Variants in PDE1A observed in about 807,000 individuals in gnomAD.
The protein encoded by PDE1A is phosphodiesterase 1A.
Under a neutral mutation model 61.7 loss-of-function variants are expected in PDE1A, and 35 were observed. That is an observed-to-expected ratio of 0.57 (90% CI 0.43 to 0.75). The LOEUF (loss-of-function observed/expected upper bound fraction) is 0.75, where lower values mean the gene tolerates loss of function less well. PDE1A is among the 30% of genes least tolerant of loss of function. The pLI is 0.00. For missense variants in PDE1A, 597 were observed against 630.6 expected (o/e 0.95, Z 0.57); for synonymous variants, 232 against 213.2 (o/e 1.09, Z -0.77).
At chr2:182,454,451 G>C (rs188624711) in intron 2 of PDE1A, among the ~76,000 whole-genome samples, 1 of 151,946 alleles carries the variant, frequency 6.6e-6, no homozygotes, top group African/African-American at 2.4e-5. Flanking sequence ...AAAAGAGCCC[G>C]CATCGCCAAG....
the PDE1A span, among the ~76,000 whole-genome samples, chr2:182,646,748 T>G: frequency 6.6e-6 from 1 of 150,912 alleles, no homozygotes; most frequent in Non-Finnish European, 1.5e-5. Context: ...CAGTGAAACA[T>G]AAGTATAACC....
intron 2 of PDE1A, among the ~76,000 whole-genome samples, chr2:182,256,057 T>A (rs1263987393): frequency 3.0e-5 from 4 of 135,090 alleles, no homozygotes; most frequent in Non-Finnish European, 6.3e-5. Flanking sequence ...TTTTTTTTTT[T>A]TCTTGTTTAT....
chr2:182,357,817 T>G (rs1452348762), intron 1 of PDE1A, among the ~76,000 whole-genome samples: 4 of 152,224 alleles, frequency 2.6e-5, no homozygotes, highest in Admixed American at 2.6e-4. Context: ...TGCTCCATAA[T>G]GCCTTTCAAA....
At chr2:182,413,183 G>A (rs1702721242) in intron 1 of PDE1A, among the ~76,000 whole-genome samples, 1 of 152,128 alleles carries the variant, frequency 6.6e-6, no homozygotes, top group South Asian at 2.1e-4. Flanking sequence ...TAGGTATAAA[G>A]TGCTTGCAAT....
chr2:182,708,038 TA>T, the PDE1A span, among the ~76,000 whole-genome samples: 30 of 152,264 alleles, frequency 2.0e-4, no homozygotes, highest in East Asian at 5.0e-3. Context: ...AAAGAAATAA[TA>T]AATGTTTAAG....
intron 1 of PDE1A, among the ~76,000 whole-genome samples, chr2:182,366,359 T>G (rs942282717): frequency 1.3e-5 from 2 of 151,996 alleles, no homozygotes; most frequent in Admixed American, 1.3e-4. Flanking sequence ...CCCAACTACC[T>G]TTATGGGTGA....
At chr2:182,331,743 G>A (rs1233065640) in intron 1 of PDE1A, among the ~76,000 whole-genome samples, 1 of 152,178 alleles carries the variant, frequency 6.6e-6, no homozygotes, top group Non-Finnish European at 1.5e-5. Flanking sequence ...GCTTCCCTTT[G>A]TGGGTAACCC....
intron 1 of PDE1A, among the ~76,000 whole-genome samples, chr2:182,292,772 TAA>T (rs755815991): frequency 8.9e-4 from 136 of 152,190 alleles, no homozygotes; most frequent in Non-Finnish European, 1.7e-3. Flanking sequence ...CCTTTTAAAT[TAA>T]AAGTTTGATG....
At chr2:182,171,371 T>C (rs1252374223) in intron 13 of PDE1A, among the ~76,000 whole-genome samples, 2 of 152,044 alleles carry the variant, frequency 1.3e-5, no homozygotes, top group African/African-American at 4.8e-5. Flanking sequence ...GATTTTTGTT[T>C]GAAGAACTAT....
Position 182,440,297 on chromosome 2 carries a change from C to A in PDE1A, c.101+81979G>T. ...CATTGGCTCAAAATGGTACTCTGAGCCAGCTGACCCGAGGAAGAAAGGGAA... is the reference window on the plus strand; with the variant it reads ...CATTGGCTCAAAATGGTACTCTGAGACAGCTGACCCGAGGAAGAAAGGGAA... On this transcript the variant is annotated intron_variant, in intron 2 of 14. Transcript: ENST00000410103. 1.3e-5 allele frequency among the ~76,000 whole-genome samples: 2 copies of A among 152,100 alleles called. 1 individual carries two copies. The highest frequency in any genetic ancestry group is 4.1e-4 in the South Asian group (2 of 4,822).
At chr2:182,421,890 G>A (rs1046395127) in intron 1 of PDE1A, among the ~76,000 whole-genome samples, 3 of 152,168 alleles carry the variant, frequency 2.0e-5, no homozygotes, top group African/African-American at 7.2e-5. Flanking sequence ...AAATTAGGAT[G>A]TGCTTTTCTT....
intron 10 of PDE1A, among the ~76,000 whole-genome samples, chr2:182,194,097 A>AT (rs1322571523): frequency 9.2e-5 from 14 of 152,054 alleles, no homozygotes; most frequent in Non-Finnish European, 1.8e-4. Context: ...ATTTCTAATT[A>AT]TTTTTTTCTT....
chr2:182,559,788 C>T, the PDE1A span, among the ~76,000 whole-genome samples: 9 of 152,156 alleles, frequency 5.9e-5, no homozygotes, highest in African/African-American at 2.2e-4. Flanking sequence ...ACTATATGTA[C>T]AGCCATCAGA....
the PDE1A span, among the ~76,000 whole-genome samples, chr2:182,640,955 G>T: frequency 7.3e-6 from 1 of 137,366 alleles, no homozygotes; most frequent in Non-Finnish European, 1.5e-5. Context: ...GGTAGGTGGA[G>T]GTTGCAGTGA....
the PDE1A span, among the ~76,000 whole-genome samples, chr2:182,626,738 CATATAT>C: frequency 2.7e-3 from 38 of 13,936 alleles, 6 homozygotes; most frequent in Admixed American, 0.022. Flanking sequence ...TATATATATA[CATATAT>C]ATACATATAT....
intron 1 of PDE1A, among the ~76,000 whole-genome samples, chr2:182,348,802 T>C (rs1413961786): frequency 1.3e-5 from 2 of 151,562 alleles, no homozygotes; most frequent in Non-Finnish European, 2.9e-5. Flanking sequence ...AGAGGGTAAT[T>C]GAACCTTATT....
chr2:182,149,105 T>G (rs1690641459), intron 13 of PDE1A, among the ~76,000 whole-genome samples: 1 of 152,112 alleles, frequency 6.6e-6, no homozygotes, highest in South Asian at 2.1e-4. Context: ...AAGACTAGAT[T>G]AGAACAGAAC....
chr2:182,187,398 C>T (rs1478593273), intron 11 of PDE1A, among the ~76,000 whole-genome samples: 3 of 152,124 alleles, frequency 2.0e-5, no homozygotes, highest in African/African-American at 7.2e-5. Flanking sequence ...GTGTACATGG[C>T]AATATCCCAG....
intron 1 of PDE1A, among the ~76,000 whole-genome samples, chr2:182,349,708 C>T (rs1039017359): frequency 3.9e-5 from 6 of 152,122 alleles, no homozygotes; most frequent in South Asian, 2.1e-4. Flanking sequence ...TGCAGTGAGC[C>T]GAGATTGCAC....
Sources: allele counts gnomAD v4.1 joint callset (sites outside exome capture counted in the v4.1 genomes callset), GRCh38; gene constraint gnomAD v4.1.1; transcripts MANE v1.5; gene names NCBI Gene and HGNC (gene_info 2026-07-23, HGNC 2026-07-21).